Variants in LYPLAL1 observed in about 807,000 individuals in gnomAD.
The protein encoded by LYPLAL1 is lysophospholipase like 1.
LYPLAL1 carries 23 observed loss-of-function variants against 19.7 expected under a neutral mutation model. The observed-to-expected ratio is 1.17, with a 90% confidence interval of 0.84 to 1.65. LYPLAL1 has a LOEUF of 1.65. LYPLAL1 is among the 40% of genes most tolerant of loss of function. The pLI, the probability that LYPLAL1 is intolerant of heterozygous loss-of-function variation, is 0.00. For missense variants in LYPLAL1, 355 were observed against 279.4 expected, an observed-to-expected ratio of 1.27 and a Z score of -1.93; for synonymous variants, 119 against 96.3, an observed-to-expected ratio of 1.24 and a Z score of -1.38.
the LYPLAL1 span, among the ~76,000 whole-genome samples, chr1:219,375,393 G>C: frequency 2.0e-5 from 3 of 151,434 alleles, no homozygotes; most frequent in Non-Finnish European, 4.4e-5. Flanking sequence ...TTGAACCCGG[G>C]AGGCGGAGGT....
chr1:219,428,051 T>G, the LYPLAL1 span, among the ~76,000 whole-genome samples: 1 of 152,138 alleles, frequency 6.6e-6, no homozygotes, highest in Non-Finnish European at 1.5e-5. Context: ...ATAAAGCAGA[T>G]CTGAGAAAAA....
the LYPLAL1 span, among the ~76,000 whole-genome samples, chr1:219,355,130 C>T: frequency 1.3e-5 from 2 of 152,166 alleles, no homozygotes; most frequent in Non-Finnish European, 2.9e-5. Flanking sequence ...TGGACGTGTT[C>T]TCTACATAAC....
the LYPLAL1 span, among the ~76,000 whole-genome samples, chr1:219,241,134 C>CTCTCTCTCTATAGATATATATA: frequency 2.3e-5 from 1 of 44,358 alleles, no homozygotes; most frequent in Non-Finnish European, 4.3e-5. Context: ...CTCTCTCTCT[C>CTCTCTCTCTATAGATATATATA]TATATATATA....
At chr1:219,237,797 C>T in the LYPLAL1 span, among the ~76,000 whole-genome samples, 10 of 152,190 alleles carry the variant, frequency 6.6e-5, no homozygotes, top group East Asian at 1.7e-3. Context: ...CATTATAATT[C>T]TTTATTAATA....
chr1:219,434,846 T>C, the LYPLAL1 span, among the ~76,000 whole-genome samples: 1 of 152,066 alleles, frequency 6.6e-6, no homozygotes, highest in Non-Finnish European at 1.5e-5. Flanking sequence ...GCCGTGTTCT[T>C]AGGAGATTTC....
intron 2 of LYPLAL1, 26 bp from the exon 3 acceptor site, chr1:219,193,056 T>TA: frequency 7.3e-7 from 1 of 1,371,656 alleles, no homozygotes. Flanking sequence ...TTTCTTTTTT[T>TA]TTGGGGGGGG....
At chr1:219,441,620 C>T in the LYPLAL1 span, among the ~76,000 whole-genome samples, 1 of 152,150 alleles carries the variant, frequency 6.6e-6, no homozygotes, top group Admixed American at 6.5e-5. Context: ...GCATAAGACC[C>T]AGCTTCTAGC....
chr1:219,331,744 A>G, the LYPLAL1 span, among the ~76,000 whole-genome samples: 1 of 152,158 alleles, frequency 6.6e-6, no homozygotes, highest in Non-Finnish European at 1.5e-5. Flanking sequence ...ACACTGTCAA[A>G]TGTCAAGTAG....
chr1:219,367,989 C>T, the LYPLAL1 span, among the ~76,000 whole-genome samples: 5 of 147,772 alleles, frequency 3.4e-5, no homozygotes, highest in Non-Finnish European at 7.4e-5. Flanking sequence ...TTTGCTCTCT[C>T]CAATTAAAGT....
At chr1:219,236,093 A>T in the LYPLAL1 span, among the ~76,000 whole-genome samples, 1 of 152,360 alleles carries the variant, frequency 6.6e-6, no homozygotes, top group Non-Finnish European at 1.5e-5. Flanking sequence ...AAAAATAAAA[A>T]AAGGAAAATG....
At chr1:219,187,352 A>G (rs1032996110) in intron 2 of LYPLAL1, among the ~76,000 whole-genome samples, 3 of 151,650 alleles carry the variant, frequency 2.0e-5, no homozygotes, top group Admixed American at 1.3e-4. Context: ...CATAGTCAGT[A>G]AAAGTCAGCA....
At chr1:219,359,916 T>C in the LYPLAL1 span, among the ~76,000 whole-genome samples, 6 of 151,974 alleles carry the variant, frequency 3.9e-5, no homozygotes, top group African/African-American at 1.4e-4. Flanking sequence ...ATATAATGCA[T>C]AGAAAGGGAA....
chr1:219,276,797 A>G, the LYPLAL1 span, among the ~76,000 whole-genome samples: 1 of 152,188 alleles, frequency 6.6e-6, no homozygotes, highest in Non-Finnish European at 1.5e-5. Context: ...TACGGAGGAA[A>G]TTCCCCCAAA....
chr1:219,239,416 T>C, the LYPLAL1 span, among the ~76,000 whole-genome samples: 8 of 152,184 alleles, frequency 5.3e-5, no homozygotes, highest in African/African-American at 1.7e-4. Context: ...GTAGGTAGCA[T>C]TCCAGAAGTA....
the LYPLAL1 span, among the ~76,000 whole-genome samples, chr1:219,332,569 C>A: frequency 4.6e-5 from 7 of 151,988 alleles, no homozygotes; most frequent in Non-Finnish European, 1.0e-4. Flanking sequence ...ATTGGAATTT[C>A]TCTAAAAGAA....
chr1:219,211,772 G>A lies in LYPLAL1; in HGVS notation c.*44G>A, dbSNP rs1327033398. ...GTTAATGTAAGTGTAATGTCTTTGT[G>A]AAAAGTGATTTTTACTGCCAAATTA... On this transcript the variant is annotated 3_prime_UTR_variant, in exon 5 of 5. Coordinates refer to ENST00000366928, the MANE Select transcript of LYPLAL1 (RefSeq NM_138794.5). The A allele has an allele frequency of 7.6e-7, 1 of 1,320,336 alleles. No homozygotes were observed. The highest frequency in any genetic ancestry group is 1.0e-6 in the Non-Finnish European group (1 of 964,162). The allele number at this position is 1,320,336 out of a possible 1,614,324, so 81.8% of individuals were successfully genotyped here.
the LYPLAL1 span, among the ~76,000 whole-genome samples, chr1:219,443,015 C>T: frequency 6.6e-6 from 1 of 151,772 alleles, no homozygotes; most frequent in African/African-American, 2.4e-5. Flanking sequence ...GCAGAAAAGC[C>T]TATCTAATGG....
downstream of LYPLAL1, among the ~76,000 whole-genome samples, chr1:219,217,379 G>GGTTGTGTGT (rs1553304606): frequency 2.2e-5 from 3 of 134,138 alleles, no homozygotes; most frequent in South Asian, 7.7e-4. Context: ...TGCCAGGTTT[G>GGTTGTGTGT]GTGTGTGTGT....
chr1:219,259,105 A>T, the LYPLAL1 span, among the ~76,000 whole-genome samples: 86 of 151,238 alleles, frequency 5.7e-4, no homozygotes, highest in African/African-American at 2.0e-3. Flanking sequence ...ATTAAAAAAT[A>T]AAAAAAAATA....
Sources: allele counts gnomAD v4.1 joint callset (sites outside exome capture counted in the v4.1 genomes callset), GRCh38; gene constraint gnomAD v4.1.1; transcripts MANE v1.5; gene names NCBI Gene and HGNC (gene_info 2026-07-23, HGNC 2026-07-21).